CNBD1: variants seen among roughly 807,000 people sequenced by gnomAD.
The protein encoded by CNBD1 is cyclic nucleotide-binding domain-containing protein 1.
In CNBD1, 71 loss-of-function variants were observed where a neutral mutation model predicts 54.4. The ratio of observed to expected loss-of-function variants is 1.30; its 90% CI spans 1.08 to 1.59. The LOEUF is 1.59. Ranked by LOEUF, CNBD1 falls within the 40% of genes most tolerant of loss-of-function variation. The pLI, the probability that CNBD1 is intolerant of heterozygous loss-of-function variation, is 0.00. For synonymous variants in CNBD1, 182 were observed against 170.7 expected, an observed-to-expected ratio of 1.07 and a Z score of -0.51; for missense variants, 659 against 518.0, an observed-to-expected ratio of 1.27 and a Z score of -2.64.
Position 87,126,760 on chromosome 8 carries a change from T to G in CNBD1, c.432-79233T>G, listed in dbSNP as rs142233274. Among the ~76,000 whole-genome samples the G allele has an allele frequency of 6.5e-3, 983 of 152,150 alleles. 8 individuals are homozygous for G. The highest frequency in any genetic ancestry group is 0.027 in the Middle Eastern group (8 of 294). On this transcript the variant is annotated intron_variant, in intron 4 of 10. Transcript: ENST00000518476. ...TCTCCAATGTATTATTCTAGAAGTT[T>G]TATAGTTTTAGGCATTCCAGTTAGG...
At chr8:86,967,836 T>C (rs972188027) in intron 4 of CNBD1, among the ~76,000 whole-genome samples, 1 of 151,990 alleles carries the variant, frequency 6.6e-6, no homozygotes, top group African/African-American at 2.4e-5. Context: ...GTTTTGTTGT[T>C]GTTGTTTTTG....
chr8:87,087,872 T>G (rs1438360295), intron 4 of CNBD1, among the ~76,000 whole-genome samples: 8 of 152,164 alleles, frequency 5.3e-5, no homozygotes, highest in Non-Finnish European at 1.5e-5. Context: ...AGACCACAGA[T>G]GCTAAATGAC....
chr8:86,991,288 C>A (rs1477513577), intron 4 of CNBD1, among the ~76,000 whole-genome samples: 1 of 152,092 alleles, frequency 6.6e-6, no homozygotes, highest in Admixed American at 6.6e-5. Flanking sequence ...AGTTTTTCCT[C>A]ATTTAATGTG....
chr8:87,073,543 G>A (rs1810803120), intron 4 of CNBD1, among the ~76,000 whole-genome samples: 1 of 152,132 alleles, frequency 6.6e-6, no homozygotes, highest in African/African-American at 2.4e-5. Flanking sequence ...TCTTTTAACA[G>A]TCAGGCCATT....
chr8:87,225,891 G>T (rs1243927616), intron 5 of CNBD1, among the ~76,000 whole-genome samples: 1 of 148,718 alleles, frequency 6.7e-6, no homozygotes, highest in Non-Finnish European at 1.5e-5. Flanking sequence ...TGGTTGGTAA[G>T]CTATTGATTA....
At chr8:87,223,723 G>T (rs1346656310) in intron 5 of CNBD1, among the ~76,000 whole-genome samples, 1 of 151,964 alleles carries the variant, frequency 6.6e-6, no homozygotes, top group South Asian at 2.1e-4. Context: ...TGTCTTTATA[G>T]CAGCATGATT....
intron 5 of CNBD1, among the ~76,000 whole-genome samples, chr8:87,232,696 G>A (rs115073784): frequency 0.01 from 1,575 of 152,160 alleles, 20 homozygotes; most frequent in African/African-American, 0.033. Context: ...TGTAGCTTGC[G>A]ATATAATTTC....
chr8:86,975,023 G>C (rs1024198906), intron 4 of CNBD1, among the ~76,000 whole-genome samples: 16 of 151,974 alleles, frequency 1.1e-4, no homozygotes, highest in Non-Finnish European at 1.5e-5. Context: ...TTTAGGCACA[G>C]ATAAAATGAA....
intron 4 of CNBD1, among the ~76,000 whole-genome samples, chr8:86,991,461 ACC>A (rs1381947072): frequency 6.6e-6 from 1 of 151,610 alleles, no homozygotes; most frequent in Non-Finnish European, 1.5e-5. Context: ...CTGTTGAAGA[ACC>A]ACCCTTGGTT....
intron 8 of CNBD1, among the ~76,000 whole-genome samples, chr8:87,331,345 G>T (rs1563556141): frequency 6.6e-6 from 1 of 152,130 alleles, no homozygotes; most frequent in East Asian, 1.9e-4. Flanking sequence ...AGTTTGTTGA[G>T]GTTGATGGCT....
At chr8:87,157,014 T>C (rs1340622490) in intron 4 of CNBD1, among the ~76,000 whole-genome samples, 4 of 152,156 alleles carry the variant, frequency 2.6e-5, no homozygotes, top group Non-Finnish European at 5.9e-5. Flanking sequence ...CTAAATGAGC[T>C]TATGACCCTG....
chr8:87,183,754 G>T (rs1010776558), intron 4 of CNBD1, among the ~76,000 whole-genome samples: 19 of 152,188 alleles, frequency 1.2e-4, no homozygotes, highest in African/African-American at 4.6e-4. Context: ...TGTGGTACAT[G>T]TTGGGTTTAG....
At chr8:86,965,655 T>A (rs575566194) in intron 4 of CNBD1, among the ~76,000 whole-genome samples, 1 of 152,156 alleles carries the variant, frequency 6.6e-6, no homozygotes, top group African/African-American at 2.4e-5. Flanking sequence ...TGTTACGGGA[T>A]CTTTGGGGGG....
intron 4 of CNBD1, among the ~76,000 whole-genome samples, chr8:87,065,867 A>G (rs895842708): frequency 1.3e-5 from 2 of 152,000 alleles, no homozygotes; most frequent in South Asian, 2.1e-4. Context: ...CTGTAGCTCT[A>G]AAGTCCATCT....
At chr8:87,103,413 T>C (rs369302238) in intron 4 of CNBD1, among the ~76,000 whole-genome samples, 4 of 152,202 alleles carry the variant, frequency 2.6e-5, no homozygotes, top group African/African-American at 9.6e-5. Context: ...TAGAGAAAGA[T>C]GATTGTATTA....
chr8:87,351,269 T>A (rs867713428), intron 8 of CNBD1, among the ~76,000 whole-genome samples: 1 of 152,218 alleles, frequency 6.6e-6, no homozygotes, highest in South Asian at 2.1e-4. Context: ...ATATAGGCTC[T>A]GGAAAGTGAA....
At chr8:87,419,230 G>A (rs1160712925) in intron 2 of CNBD1, among the ~76,000 whole-genome samples, 2 of 151,780 alleles carry the variant, frequency 1.3e-5, no homozygotes, top group Non-Finnish European at 2.9e-5. Flanking sequence ...AACATGTCTA[G>A]AATAGGCAAA....
intron 6 of CNBD1, among the ~76,000 whole-genome samples, chr8:87,266,913 G>A (rs556822108): frequency 2.6e-5 from 4 of 152,126 alleles, no homozygotes; most frequent in African/African-American, 7.2e-5. Context: ...GCCTAATGAT[G>A]AAAGGAAAGA....
chr8:87,131,197 G>A (rs1341213020), intron 4 of CNBD1, among the ~76,000 whole-genome samples: 1 of 151,738 alleles, frequency 6.6e-6, no homozygotes, highest in African/African-American at 2.4e-5. Flanking sequence ...TCGTGTGCTT[G>A]GATTTTTGTC....
Sources: allele counts gnomAD v4.1 joint callset (sites outside exome capture counted in the v4.1 genomes callset), GRCh38; gene constraint gnomAD v4.1.1; transcripts MANE v1.5; gene names NCBI Gene and HGNC (gene_info 2026-07-23, HGNC 2026-07-21).